MMP20: variants seen among roughly 807,000 people sequenced by gnomAD.
MMP20 encodes matrix metallopeptidase 20.
MMP20 carries 50 observed loss-of-function variants against 51.8 expected under a neutral mutation model. The observed-to-expected ratio is 0.97, with a 90% CI of 0.77 to 1.22. The LOEUF (loss-of-function observed/expected upper bound fraction) is 1.22. Ranked by LOEUF, MMP20 falls within the 50% of genes most tolerant of loss-of-function variation. The pLI, the probability that MMP20 is intolerant of heterozygous loss-of-function variation, is 0.00. For missense variants in MMP20, 663 were observed against 601.4 expected (o/e 1.10, Z -1.07); for synonymous variants, 244 against 216.2 (o/e 1.13, Z -1.13).
At chr11:102,615,180 T>C (rs1859653376) in intron 2 of MMP20, among the ~76,000 whole-genome samples, 1 of 146,584 alleles carries the variant, frequency 6.8e-6, no homozygotes, top group East Asian at 2.0e-4. Flanking sequence ...TAAAATAATG[T>C]TTTAATAATA....
At chr11:102,596,142 C>T (rs186770092) in intron 6 of MMP20, among the ~76,000 whole-genome samples, 15 of 152,156 alleles carry the variant, frequency 9.9e-5, no homozygotes, top group South Asian at 4.2e-4. Flanking sequence ...ATTGGTGCTA[C>T]GAAGAGTTAA....
chr11:102,623,275 G>C (rs1358996187), intron 1 of MMP20, among the ~76,000 whole-genome samples: 1 of 152,132 alleles, frequency 6.6e-6, no homozygotes. Context: ...CCTGATCCTG[G>C]GCTGCACCCG....
chr11:102,610,013 G>T lies in MMP20; in HGVS notation c.541C>A (p.Pro181Thr). ...AGAGTCCCCCGAGGCCCATCGAATG[G>T]ATAGGAATCCCCGTGATCTAAACAA... Reference protein sequence around the residue: ...FENGDHGDSYPFDGPRGTLAH... With the variant: ...FENGDHGDSYTFDGPRGTLAH... The change falls in exon 4 of 10, where the codon CCA becomes ACA. Residue 181 changes from proline to threonine, a missense_variant. Pro to Thr is a conservative substitution (Grantham distance 38, BLOSUM62 -1). Transcript: ENST00000260228. The T allele has an allele frequency of 6.2e-7, 1 of 1,614,104 alleles. No homozygotes were observed. The highest frequency in any genetic ancestry group is 8.5e-7 in the Non-Finnish European group (1 of 1,180,018).
intron 2 of MMP20, among the ~76,000 whole-genome samples, chr11:102,614,134 T>G (rs1310889647): frequency 6.6e-6 from 1 of 152,230 alleles, no homozygotes; most frequent in Non-Finnish European, 1.5e-5. Flanking sequence ...CTTCGACCCC[T>G]AAGAGGAAGA....
intron 2 of MMP20, among the ~76,000 whole-genome samples, chr11:102,614,539 T>G (rs1241088621): frequency 6.6e-6 from 1 of 152,256 alleles, no homozygotes; most frequent in African/African-American, 2.4e-5. Flanking sequence ...AAGAAAACTA[T>G]GAAAAGACTC....
At chr11:102,598,232 T>C (rs762465490) in intron 6 of MMP20, among the ~76,000 whole-genome samples, 2 of 152,178 alleles carry the variant, frequency 1.3e-5, no homozygotes, top group Admixed American at 1.3e-4. Flanking sequence ...AAAACAATGA[T>C]AGCAAGTAAC....
chr11:102,599,428 T>C (rs958886780), intron 6 of MMP20, among the ~76,000 whole-genome samples: 1 of 152,260 alleles, frequency 6.6e-6, no homozygotes, highest in Admixed American at 6.5e-5. Flanking sequence ...TAACTGGCTG[T>C]GTGACCTCGT....
chr11:102,582,560 G>A (rs1859209406), intron 8 of MMP20, among the ~76,000 whole-genome samples: 1 of 152,170 alleles, frequency 6.6e-6, no homozygotes, highest in Admixed American at 6.5e-5. Flanking sequence ...AGAAGGGCAG[G>A]TAGGACAGTG....
At chr11:102,624,892 G>A (rs184794295) in intron 1 of MMP20, among the ~76,000 whole-genome samples, 1 of 152,098 alleles carries the variant, frequency 6.6e-6, no homozygotes, top group East Asian at 1.9e-4. Flanking sequence ...CATCATTCCC[G>A]GGAAGTACTT....
chr11:102,599,143 G>A (rs1859417206), intron 6 of MMP20, among the ~76,000 whole-genome samples: 1 of 151,720 alleles, frequency 6.6e-6, no homozygotes, highest in Non-Finnish European at 1.5e-5. Context: ...CTCCCAAGTA[G>A]CAGGGACTAC....
At chr11:102,581,032 G>A (rs376016747) in intron 8 of MMP20, among the ~76,000 whole-genome samples, 8 of 152,126 alleles carry the variant, frequency 5.3e-5, no homozygotes, top group African/African-American at 1.9e-4. Flanking sequence ...GATGGTACTG[G>A]GTTTGAATTT....
intron 2 of MMP20, among the ~76,000 whole-genome samples, chr11:102,612,986 C>T (rs1230466350): frequency 6.6e-6 from 1 of 152,152 alleles, no homozygotes; most frequent in Non-Finnish European, 1.5e-5. Flanking sequence ...ATCCGCCCTC[C>T]TCAGCCTCCC....
intron 9 of MMP20, 150 bp from the exon 10 acceptor site, chr11:102,577,576 C>T: frequency 2.9e-6 from 2 of 680,012 alleles, no homozygotes; most frequent in Middle Eastern, 3.9e-4. Context: ...GTCTTCATGC[C>T]CTAGAACCTG....
At chr11:102,610,244 T>C (rs1859580217) in intron 3 of MMP20, among the ~76,000 whole-genome samples, 1 of 152,074 alleles carries the variant, frequency 6.6e-6, no homozygotes, top group African/African-American at 2.4e-5. Context: ...TAGTAAGCAT[T>C]AGCAATAAAA....
chr11:102,591,220 T>C (rs889735143), intron 8 of MMP20, among the ~76,000 whole-genome samples: 15 of 152,228 alleles, frequency 9.9e-5, no homozygotes, highest in African/African-American at 3.6e-4. Flanking sequence ...AGGGTTGTCT[T>C]ACTCCTTGTT....
rs1241376098 is a variant in MMP20, at chr11:102,601,299, AT to A, written c.953+5235del. 1.3e-4 allele frequency among the ~76,000 whole-genome samples: 11 copies of A among 83,360 alleles called. 2 individuals carry two copies. Among genetic ancestry groups the A allele is most frequent in the African/African-American group, 4.5e-4 (11 of 24,570 alleles). The allele number at this position is 83,360 out of a possible 152,430, so 54.7% of individuals were successfully genotyped here. A position where few individuals can be genotyped will look rare whatever the true frequency, so the allele number is the denominator to read the frequency against. On this transcript the variant is annotated intron_variant, in intron 6 of 9. Coordinates refer to ENST00000260228, the MANE Select transcript of MMP20 (RefSeq NM_004771.4). Reference sequence around the variant, plus strand: ...AGGCGCCCGCCACTACGCCCGGCTAATTTTTTGTATTTTTAGTAGAGACGGG... The same window carrying A: ...AGGCGCCCGCCACTACGCCCGGCTAATTTTTGTATTTTTAGTAGAGACGGG...
chr11:102,610,847 A>G (rs751341335), intron 3 of MMP20, among the ~76,000 whole-genome samples: 36 of 151,920 alleles, frequency 2.4e-4, no homozygotes, highest in Admixed American at 6.6e-5. Context: ...AGGTGCACAC[A>G]CCGAGGACTT....
At chr11:102,617,107 T>C in intron 1 of MMP20, 48 bp from the exon 2 acceptor site, 1 of 1,612,478 alleles carries the variant, frequency 6.2e-7, no homozygotes, top group Non-Finnish European at 8.5e-7. Flanking sequence ...GTCTGGGAAA[T>C]ACTCATGCTC....
In MMP20 at chr11:102,593,423, A is replaced by G. The variant is rs1212360644; in HGVS notation, c.1247+16T>C. On this transcript the variant is annotated intron_variant, in intron 8 of 9. Coordinates refer to ENST00000260228, the MANE Select transcript of MMP20 (RefSeq NM_004771.4). Reference sequence around the variant, plus strand: ...CATTAAATAAAGATAGATAGTAAAAAGGAAAAAAGCCATACCTGTAGTATT... The same window carrying G: ...CATTAAATAAAGATAGATAGTAAAAGGGAAAAAAGCCATACCTGTAGTATT... The G allele has an allele frequency of 1.2e-6, 2 of 1,611,414 alleles. No homozygotes were observed. The highest frequency in any genetic ancestry group is 2.7e-5 in the African/African-American group (2 of 74,760).
Sources: gnomAD v4.1 joint callset for allele counts (sites outside exome capture counted in the v4.1 genomes callset) on GRCh38, gnomAD v4.1.1 for gene constraint, MANE v1.5 for transcripts, NCBI Gene and HGNC (gene_info 2026-07-23, HGNC 2026-07-21) for gene names.